PCNT: variants seen among roughly 807,000 people sequenced by gnomAD.
PCNT encodes the protein pericentrin, also known as kendrin.
PCNT carries 319 observed loss-of-function variants against 380.4 expected under a neutral mutation model. The observed-to-expected ratio is 0.84, with a 90% CI of 0.77 to 0.92. The LOEUF is 0.92. PCNT is among the 40% of genes least tolerant of loss of function. PCNT has a pLI of 0.00. For missense variants in PCNT, 4,400 were observed against 4,255.3 expected (o/e 1.03, Z -0.95); for synonymous variants, 1,845 against 1,735.2 (o/e 1.06, Z -1.57).
Position 46,324,197 on chromosome 21 carries a change from CCGCCGGG to C in PCNT, c.-29_-23del. 1.9e-6 allele frequency: 3 copies of C among 1,597,234 alleles called. No individual in the cohort carries two copies. In the South Asian group the frequency reaches 3.4e-5, roughly 18 times the overall value. Reference sequence around the variant, plus strand: ...AGGCTGCTCTGTGTCAGCCCCGTCACCGCCGGGCGGCCCGCGCGGAGTCTGAGGGAGA... The same window carrying C: ...AGGCTGCTCTGTGTCAGCCCCGTCACCGGCCCGCGCGGAGTCTGAGGGAGA... On this transcript the variant is annotated 5_prime_UTR_variant, in exon 1 of 47. Coordinates refer to ENST00000359568, the MANE Select transcript of PCNT (RefSeq NM_006031.6).
rs58936150 is a variant in PCNT, at chr21:46,352,854, C to A, written c.1457-250C>A. 2.6e-3 allele frequency among the ~76,000 whole-genome samples: 397 copies of A among 152,238 alleles called. 1 individual carries two copies. The highest frequency in any genetic ancestry group is 9.2e-3 in the African/African-American group (381 of 41,534). On this transcript the variant is annotated intron_variant, in intron 9 of 46. Transcript: ENST00000359568. Reference sequence around the variant, plus strand: ...CTGTCTCCTTGCTGGCTGTGCCCCCCACATCCCTGCCACTTCGAGTGCTGC... The same window carrying A: ...CTGTCTCCTTGCTGGCTGTGCCCCCAACATCCCTGCCACTTCGAGTGCTGC...
intron 13 of PCNT, among the ~76,000 whole-genome samples, chr21:46,358,998 C>T (rs1267350548): frequency 6.6e-6 from 1 of 151,458 alleles, no homozygotes; most frequent in East Asian, 1.9e-4. Flanking sequence ...TTAGTAGAGA[C>T]GAGGTTTCAC....
chr21:46,337,874 G>A (rs530760029), intron 3 of PCNT, among the ~76,000 whole-genome samples: 79 of 151,716 alleles, frequency 5.2e-4, no homozygotes, highest in African/African-American at 1.4e-3. Flanking sequence ...ATGAGCCACC[G>A]CGCAGACTGT....
chr21:46,346,582 A>T, intron 4 of PCNT, 161 bp from the exon 5 acceptor site: 1 of 860,386 alleles, frequency 1.2e-6, no homozygotes, highest in Non-Finnish European at 1.8e-6. Context: ...GTGGCATCTC[A>T]GTGGCATCCG....
chr21:46,391,517 G>A (rs2086032758), intron 21 of PCNT, 141 bp downstream of exon 21: 5 of 706,796 alleles, frequency 7.1e-6, no homozygotes, highest in Non-Finnish European at 1.2e-5. Context: ...GGAACACTGG[G>A]CATGGGAAGC....
At chr21:46,334,868 C>T (rs1668469861) in intron 3 of PCNT, 100 bp downstream of exon 3, 1 of 1,565,816 alleles carries the variant, frequency 6.4e-7, no homozygotes, top group African/African-American at 1.4e-5. Flanking sequence ...CTCTGCAGGG[C>T]CTCTCTTTAG....
rs1468200149 is a variant in PCNT at position 46,411,942 on chromosome 21, G to T, written c.5869G>T (p.Ala1957Ser). 6.3e-7 allele frequency: 1 copy of T among 1,596,312 alleles called. No individual in the cohort carries two copies. The highest frequency in any genetic ancestry group is 8.5e-7 in the Non-Finnish European group (1 of 1,178,598). The change falls in exon 28 of 47, where the codon GCT (alanine) becomes TCT (serine). Residue 1957 changes from alanine to serine, a missense_variant. Ala to Ser is a moderately conservative substitution (Grantham distance 99). Transcript: ENST00000359568. ...LDRRQARRATAHTRVPGAHPQ... is the reference protein window; with the variant it reads ...LDRRQARRATSHTRVPGAHPQ... ...CAGGCGGCAGGCCCGCAGAGCCACA[G>T]CTCACACACGGGTGCCCGGGGCCCA...
At chr21:46,430,404 G>A (rs984713253) in intron 36 of PCNT, 103 bp from the exon 37 acceptor site, 62 of 1,472,174 alleles carry the variant, frequency 4.2e-5, no homozygotes, top group South Asian at 2.6e-4. Context: ...TGAAGCACAC[G>A]TGTGGGACCT....
intron 15 of PCNT, among the ~76,000 whole-genome samples, chr21:46,375,709 G>T (rs116975038): frequency 6.6e-6 from 1 of 152,126 alleles, no homozygotes; most frequent in South Asian, 2.1e-4. Flanking sequence ...GGCACTGGCC[G>T]TCTCACTGCT....
At chr21:46,415,270 C>T in intron 29 of PCNT, among the ~76,000 whole-genome samples, 1 of 151,716 alleles carries the variant, frequency 6.6e-6, no homozygotes, top group East Asian at 1.9e-4. Context: ...GTGTGCTTGT[C>T]ATGTGCTCTC....
chr21:46,441,155 T>G (rs1234965212), intron 43 of PCNT, 71 bp downstream of exon 43: 2 of 934,006 alleles, frequency 2.1e-6, no homozygotes, highest in Non-Finnish European at 3.6e-6. Flanking sequence ...CTGCATGGTT[T>G]TTTGGTCATT....
At chr21:46,338,251 C>G (rs772660485) in intron 3 of PCNT, among the ~76,000 whole-genome samples, 13 of 152,242 alleles carry the variant, frequency 8.5e-5, no homozygotes, top group Non-Finnish European at 1.9e-4. Flanking sequence ...ACCCAGTTAC[C>G]CTCGAGAACA....
chr21:46,366,322 T>C (rs1163242637), intron 14 of PCNT, among the ~76,000 whole-genome samples: 1 of 152,086 alleles, frequency 6.6e-6, no homozygotes, highest in Non-Finnish European at 1.5e-5. Flanking sequence ...AGGGCGCTGG[T>C]TCCTACCTGT....
At chr21:46,369,904 G>A (rs1415985707) in intron 15 of PCNT, among the ~76,000 whole-genome samples, 1 of 152,210 alleles carries the variant, frequency 6.6e-6, no homozygotes, top group Non-Finnish European at 1.5e-5. Context: ...AGAGATGTAC[G>A]CTGCCAAGAT....
chr21:46,347,035 G>T (rs2084095139), intron 5 of PCNT, 37 bp downstream of exon 5: 2 of 1,575,612 alleles, frequency 1.3e-6, no homozygotes, highest in Admixed American at 1.9e-5. Flanking sequence ...CAGCGTGTGG[G>T]CTCGGTGTGG....
intron 26 of PCNT, 127 bp from the exon 27 acceptor site, chr21:46,402,204 A>G: frequency 1.5e-6 from 1 of 647,130 alleles, no homozygotes; most frequent in Non-Finnish European, 2.6e-6. Flanking sequence ...GTACAGGTAC[A>G]GGGTAGTAAT....
rs1368818557 is a variant in PCNT at position 46,430,609 on chromosome 21, G to A, written c.8016G>A (p.Glu2672=). ...CCCTGCAGAGCCAGCTGGAGGAGGA[G>A]CAGCTGCGGCACCTGCAGAGGGAGA... ...GRALQSQLEE[E]QLRHLQRESQ... The change falls in exon 37 of 47, where the codon GAG becomes GAA. Residue 2672 remains glutamate, a synonymous_variant. Transcript: ENST00000359568. The A allele has an allele frequency of 1.9e-6, 3 of 1,568,944 alleles. No individual in the cohort carries two copies. Among genetic ancestry groups the A allele is most frequent in the Admixed American group, 1.9e-5 (1 of 53,532 alleles).
rs1430005465 is a variant in PCNT at position 46,390,737 on chromosome 21, C to T, written c.3908C>T (p.Ala1303Val). The T allele has an allele frequency of 1.9e-6, 3 of 1,613,574 alleles. No individual in the cohort carries two copies. Among genetic ancestry groups the T allele is most frequent in the East Asian group, 2.2e-5 (1 of 44,892 alleles). ...TTTAGTTTTAAGAATGAGGAGACAG[C>T]ACAGGTTGTCAGGAAGCACCAGGAG... ...KEFSFKNEET[A>V]QVVRKHQELL... The change falls in exon 20 of 47, where the codon GCA (alanine) becomes GTA (valine). Residue 1303 changes from alanine to valine, a missense_variant. Physicochemically the swap from Ala to Val is moderately conservative, Grantham distance 64 (BLOSUM62 0). Transcript: ENST00000359568.
intron 3 of PCNT, among the ~76,000 whole-genome samples, chr21:46,344,069 C>CT (rs1336295644): frequency 1.5e-3 from 215 of 142,268 alleles, no homozygotes; most frequent in Middle Eastern, 3.6e-3. Flanking sequence ...CTTTTCTTTT[C>CT]TTTTTTTTTT....
Sources: gnomAD v4.1 joint callset for allele counts (sites outside exome capture counted in the v4.1 genomes callset) on GRCh38, gnomAD v4.1.1 for gene constraint, MANE v1.5 for transcripts, NCBI Gene and HGNC (gene_info 2026-07-23, HGNC 2026-07-21) for gene names.